The following IMMP2L variants were observed in gnomAD, a reference collection of about 807,000 sequenced individuals.
IMMP2L encodes inner mitochondrial membrane peptidase subunit 2.
In IMMP2L, 18 loss-of-function variants were observed where a neutral mutation model predicts 19.3. The ratio of observed to expected loss-of-function variants is 0.93; its 90% confidence interval spans 0.64 to 1.38. The LOEUF is 1.38. IMMP2L is among the 40% of genes most tolerant of loss of function. The probability of loss-of-function intolerance (pLI) is 0.00; values close to 1 mark genes in which losing one functional copy is unlikely to be tolerated. For synonymous variants in IMMP2L, 76 were observed against 73.0 expected (o/e 1.04, Z -0.21); for missense variants, 233 against 218.2 (o/e 1.07, Z -0.43).
intron 3 of IMMP2L, among the ~76,000 whole-genome samples, chr7:111,161,019 A>T (rs1805201178): frequency 6.6e-6 from 1 of 151,736 alleles, no homozygotes; most frequent in Non-Finnish European, 1.5e-5. Context: ...TCTTTATAAA[A>T]TATAGTCGAT....
chr7:111,091,156 T>C (rs1379260717), intron 3 of IMMP2L: 1 of 152,132 alleles, frequency 6.6e-6, no homozygotes, highest in African/African-American at 2.4e-5. Context: ...GGGTGAACGA[T>C]GCACCACTAA....
intron 3 of IMMP2L, among the ~76,000 whole-genome samples, chr7:111,155,243 AGT>A (rs1387083394): frequency 6.6e-6 from 1 of 152,102 alleles, no homozygotes; most frequent in Admixed American, 6.6e-5. Context: ...TCATTGCAGT[AGT>A]GTGTGTCGTT....
At chr7:111,434,956 A>C (rs1837001372) in intron 3 of IMMP2L, among the ~76,000 whole-genome samples, 1 of 151,908 alleles carries the variant, frequency 6.6e-6, no homozygotes, top group African/African-American at 2.4e-5. Flanking sequence ...AGAGAAATTC[A>C]AATTAGAAGC....
At chr7:111,102,972 T>C (rs1050746510) in intron 3 of IMMP2L, among the ~76,000 whole-genome samples, 1 of 151,542 alleles carries the variant, frequency 6.6e-6, no homozygotes, top group Admixed American at 6.6e-5. Flanking sequence ...ACTCAAGCCC[T>C]TGAGTTGCTA....
chr7:111,282,152 G>A (rs1408184131), intron 3 of IMMP2L, among the ~76,000 whole-genome samples: 7 of 152,082 alleles, frequency 4.6e-5, no homozygotes, highest in Non-Finnish European at 1.0e-4. Context: ...TGGCTATGAT[G>A]GAAAACAAGC....
chr7:111,492,122 C>T (rs1416987469), intron 2 of IMMP2L, among the ~76,000 whole-genome samples: 1 of 151,906 alleles, frequency 6.6e-6, no homozygotes, highest in African/African-American at 2.4e-5. Context: ...AGTCTATAAG[C>T]TCTTTTTTTT....
At chr7:110,834,687 G>A (rs1005899004) in intron 5 of IMMP2L, among the ~76,000 whole-genome samples, 2 of 152,156 alleles carry the variant, frequency 1.3e-5, no homozygotes, top group African/African-American at 2.4e-5. Context: ...CAAACAGTTT[G>A]AAGAAGAGAA....
At chr7:111,544,037 C>A (rs1848699643) in intron 1 of IMMP2L, among the ~76,000 whole-genome samples, 2 of 152,034 alleles carry the variant, frequency 1.3e-5, no homozygotes, top group Admixed American at 6.6e-5. Flanking sequence ...GGCTGAAGGA[C>A]AAATTCTATA....
At chr7:111,443,618 C>CTGAATA (rs1837973268) in intron 3 of IMMP2L, among the ~76,000 whole-genome samples, 1 of 152,152 alleles carries the variant, frequency 6.6e-6, no homozygotes, top group Non-Finnish European at 1.5e-5. Context: ...CAGAACTCTC[C>CTGAATA]TCAAAATATC....
intron 5 of IMMP2L, among the ~76,000 whole-genome samples, chr7:110,756,095 G>C (rs957442045): frequency 4.6e-5 from 7 of 152,076 alleles, no homozygotes; most frequent in Non-Finnish European, 8.8e-5. Flanking sequence ...CTACTGAAGG[G>C]ACCACTGTTA....
At position 111,508,605 on chromosome 7, in the gene IMMP2L, T is replaced by G. The variant is rs1349491193; in HGVS notation, c.135+12708A>C. Reference sequence around the variant, plus strand: ...TATCTGAAGGCAGGGAAGTCCCCAGTGTGGCTGGGTCCAGGGCCTTTTATA... The same window carrying G: ...TATCTGAAGGCAGGGAAGTCCCCAGGGTGGCTGGGTCCAGGGCCTTTTATA... On this transcript the variant is annotated intron_variant, in intron 2 of 5. Coordinates refer to ENST00000405709, the MANE Select transcript of IMMP2L (RefSeq NM_032549.4). Among the ~76,000 whole-genome samples the G allele has an allele frequency of 2.0e-5, 3 of 152,152 alleles. No individual in the cohort carries two copies. The East Asian group carries it at 5.8e-4, about 29-fold the overall frequency.
intron 3 of IMMP2L, among the ~76,000 whole-genome samples, chr7:111,026,400 C>T (rs1195518553): frequency 2.0e-5 from 3 of 151,968 alleles, no homozygotes; most frequent in Non-Finnish European, 4.4e-5. Context: ...CTTTGCTTCC[C>T]CTTATTGTAG....
intron 5 of IMMP2L, among the ~76,000 whole-genome samples, chr7:110,811,812 A>G (rs1399294240): frequency 6.6e-6 from 1 of 151,860 alleles, no homozygotes; most frequent in African/African-American, 2.4e-5. Flanking sequence ...ACCCTTCCCT[A>G]GTTGTTAGTC....
intron 3 of IMMP2L, among the ~76,000 whole-genome samples, chr7:111,053,906 T>G (rs2129573379): frequency 6.6e-6 from 1 of 152,340 alleles, no homozygotes; most frequent in African/African-American, 2.4e-5. Context: ...TATTTATTAT[T>G]TTAATTCAAA....
chr7:110,688,461 T>C (rs1793264944), intron 5 of IMMP2L, among the ~76,000 whole-genome samples: 1 of 152,092 alleles, frequency 6.6e-6, no homozygotes, highest in Admixed American at 6.6e-5. Flanking sequence ...CTTTAGTCCT[T>C]TCCTTAGCAA....
At chr7:111,070,006 A>G (rs369211878) in intron 3 of IMMP2L, among the ~76,000 whole-genome samples, 15 of 152,314 alleles carry the variant, frequency 9.8e-5, no homozygotes, top group African/African-American at 3.4e-4. Context: ...CATATATAAC[A>G]TAAGAAAGGT....
At chr7:110,918,907 C>G (rs1813941272) in intron 4 of IMMP2L, among the ~76,000 whole-genome samples, 1 of 152,106 alleles carries the variant, frequency 6.6e-6, no homozygotes, top group South Asian at 2.1e-4. Context: ...AGCATTTTAT[C>G]AAATCTTCAC....
chr7:110,749,987 T>C (rs1797623604), intron 5 of IMMP2L, among the ~76,000 whole-genome samples: 2 of 152,072 alleles, frequency 1.3e-5, no homozygotes, highest in Admixed American at 6.6e-5. Context: ...AGTAATGCTT[T>C]TACTTAGACA....
intron 3 of IMMP2L, among the ~76,000 whole-genome samples, chr7:110,973,822 T>C (rs1303899022): frequency 6.6e-6 from 1 of 152,126 alleles, no homozygotes; most frequent in African/African-American, 2.4e-5. Context: ...ACAGCTGTCA[T>C]GTTGATGCTC....
Sources: allele counts gnomAD v4.1 joint callset (sites outside exome capture counted in the v4.1 genomes callset), GRCh38; gene constraint gnomAD v4.1.1; transcripts MANE v1.5; gene names NCBI Gene and HGNC (gene_info 2026-07-23, HGNC 2026-07-21).